Variants in PATJ observed in about 807,000 individuals in gnomAD.
PATJ encodes inaD-like protein.
PATJ carries 190 observed loss-of-function variants against 224.9 expected under a neutral mutation model. The observed-to-expected ratio is 0.84, with a 90% CI of 0.75 to 0.95. The LOEUF is 0.95. PATJ is among the 40% of genes least tolerant of loss of function. The probability of loss-of-function intolerance (pLI) is 0.00; values close to 1 mark genes in which losing one functional copy is unlikely to be tolerated. For missense variants in PATJ, 2,121 were observed against 2,270.3 expected, an observed-to-expected ratio of 0.93 and a Z score of 1.34; for synonymous variants, 769 against 820.3, an observed-to-expected ratio of 0.94 and a Z score of 1.07.
intron 29 of PATJ, 121 bp from the exon 30 acceptor site, chr1:62,037,856 A>T (rs1239559031): frequency 3.7e-5 from 13 of 351,522 alleles, no homozygotes; most frequent in Non-Finnish European, 6.8e-5. Context: ...TTATATATAT[A>T]TATTTAATTC....
At chr1:61,771,297 T>C (rs1287177437) in intron 5 of PATJ, 134 bp from the exon 6 acceptor site, 2 of 524,538 alleles carry the variant, frequency 3.8e-6, no homozygotes, top group Non-Finnish European at 3.3e-6. Context: ...AGCTCTGTTA[T>C]ATAATTAAAT....
At chr1:61,848,362 T>A (rs1662293205) in intron 17 of PATJ, among the ~76,000 whole-genome samples, 2 of 152,190 alleles carry the variant, frequency 1.3e-5, no homozygotes, top group African/African-American at 2.4e-5. Context: ...TTAAAAATCT[T>A]GGAATTCTTG....
intron 24 of PATJ, among the ~76,000 whole-genome samples, chr1:61,907,337 G>A (rs1215637429): frequency 6.6e-6 from 1 of 152,126 alleles, no homozygotes; most frequent in African/African-American, 2.4e-5. Flanking sequence ...AGAAAATAGA[G>A]GCAGTTAAAG....
chr1:62,098,358 C>CA (rs57285107), intron 33 of PATJ, among the ~76,000 whole-genome samples: 49 of 123,380 alleles, frequency 4.0e-4, no homozygotes, highest in East Asian at 1.4e-3. Flanking sequence ...GACTCCATCT[C>CA]AAAAAAAAAA....
intron 1 of PATJ, among the ~76,000 whole-genome samples, chr1:61,746,441 G>C (rs1645030530): frequency 6.6e-6 from 1 of 152,146 alleles, no homozygotes; most frequent in East Asian, 1.9e-4. Context: ...TCCTGCCTTG[G>C]GGAGAAAAAG....
At chr1:61,867,066 C>A (rs1220231487) in intron 20 of PATJ, among the ~76,000 whole-genome samples, 1 of 152,156 alleles carries the variant, frequency 6.6e-6, no homozygotes. Flanking sequence ...TTACTGCAAC[C>A]ATTTTATCAG....
chr1:61,915,727 T>C (rs576028856), intron 26 of PATJ, among the ~76,000 whole-genome samples: 10 of 151,486 alleles, frequency 6.6e-5, no homozygotes, highest in Non-Finnish European at 1.2e-4. Flanking sequence ...AGACAGAGTC[T>C]TGCTCAGTCG....
chr1:61,908,576 T>C (rs1457487868), intron 25 of PATJ, 94 bp downstream of exon 25: 2 of 748,924 alleles, frequency 2.7e-6, no homozygotes, highest in Admixed American at 2.6e-5. Context: ...CATATTTTCA[T>C]TGTAGTTCCC....
intron 28 of PATJ, among the ~76,000 whole-genome samples, chr1:62,014,702 G>A (rs1646668548): frequency 6.6e-6 from 1 of 151,446 alleles, no homozygotes; most frequent in Non-Finnish European, 1.5e-5. Flanking sequence ...AAGTAGCTGG[G>A]ACTACAGGTG....
intron 27 of PATJ, among the ~76,000 whole-genome samples, chr1:61,955,604 C>T (rs1056267516): frequency 6.6e-6 from 1 of 152,146 alleles, no homozygotes; most frequent in African/African-American, 2.4e-5. Context: ...ATAGCTAATC[C>T]AAGTAGCTAC....
At chr1:61,827,018 G>A (rs182400947) in intron 15 of PATJ, among the ~76,000 whole-genome samples, 5 of 152,238 alleles carry the variant, frequency 3.3e-5, no homozygotes, top group Admixed American at 3.3e-4. Context: ...AATGCAAAGG[G>A]AAACAGTCTT....
chr1:61,932,729 G>A (rs1007808177), intron 27 of PATJ, among the ~76,000 whole-genome samples: 4 of 152,012 alleles, frequency 2.6e-5, no homozygotes, highest in African/African-American at 4.8e-5. Context: ...GTGAAACCCC[G>A]TCTCTACTAA....
chr1:61,902,551 G>A lies in PATJ; in HGVS notation c.3381+1092G>A, dbSNP rs1671327739. ...AGAATTCAAAATCGATAGCATTATT[G>A]TGAGGATTAAATTAAGGAACTACAT... On this transcript the variant is annotated intron_variant, in intron 24 of 43. Coordinates refer to ENST00000642238, the MANE Select transcript of PATJ (RefSeq NM_001350145.3). Among the ~76,000 whole-genome samples, 3 of 152,192 alleles carry A rather than the reference G, an allele frequency of 2.0e-5. No individual in the cohort carries two copies. In the South Asian group the frequency reaches 6.2e-4, roughly 32 times the overall value.
chr1:61,871,415 A>ATATATATGTG (rs1491329012), intron 20 of PATJ, among the ~76,000 whole-genome samples: 1 of 134,872 alleles, frequency 7.4e-6, no homozygotes, highest in African/African-American at 2.7e-5. Flanking sequence ...ATATATATAC[A>ATATATATGTG]TATATATGTA....
chr1:62,128,073 C>T lies in PATJ; in HGVS notation c.5145C>T (p.Ala1715=), dbSNP rs752433818. 65 of 1,613,920 alleles carry T rather than the reference C, an allele frequency of 4.0e-5. No individual in the cohort carries two copies. Among genetic ancestry groups the T allele is most frequent in the Admixed American group, 2.5e-4 (15 of 59,994 alleles). ...FIAMIQASGV[A]ARTQKLKVGD... is the part of the protein sequence containing the mutation. ...CCATGATTCAGGCTAGCGGAGTGGCCGCACGGACACAGAAGCTTAAAGTAA... is the reference window on the plus strand; with the variant it reads ...CCATGATTCAGGCTAGCGGAGTGGCTGCACGGACACAGAAGCTTAAAGTAA... The change falls in exon 40 of 44, where the codon GCC becomes GCT. Residue 1715 remains alanine (A), a synonymous_variant. Transcript: ENST00000642238.
chr1:62,042,632 G>A (rs940983481), intron 30 of PATJ, among the ~76,000 whole-genome samples: 2 of 151,950 alleles, frequency 1.3e-5, no homozygotes, highest in Non-Finnish European at 2.9e-5. Context: ...TCTTTGTTCA[G>A]CAAATGCTTA....
At chr1:61,963,926 T>G (rs1315721292) in intron 27 of PATJ, among the ~76,000 whole-genome samples, 3 of 152,208 alleles carry the variant, frequency 2.0e-5, no homozygotes, top group African/African-American at 7.2e-5. Flanking sequence ...TTGGCCTATA[T>G]AGTATTTTGA....
At chr1:61,848,136 A>G (rs969124926) in intron 17 of PATJ, among the ~76,000 whole-genome samples, 1 of 152,218 alleles carries the variant, frequency 6.6e-6, no homozygotes, top group African/African-American at 2.4e-5. Context: ...TTTAGAGTTG[A>G]AAGAAGGGAT....
At chr1:61,950,543 G>T in intron 27 of PATJ, among the ~76,000 whole-genome samples, 1 of 152,108 alleles carries the variant, frequency 6.6e-6, no homozygotes, top group Non-Finnish European at 1.5e-5. Context: ...TCTATTTTTT[G>T]TATCGTTGTG....
Sources: allele counts gnomAD v4.1 joint callset (sites outside exome capture counted in the v4.1 genomes callset), GRCh38; gene constraint gnomAD v4.1.1; transcripts MANE v1.5; gene names NCBI Gene and HGNC (gene_info 2026-07-23, HGNC 2026-07-21).